Variants in DOCK7 observed in about 807,000 individuals in gnomAD.
The protein encoded by DOCK7 is dedicator of cytokinesis 7, also known as dedicator of cytokinesis protein 7.
DOCK7 carries 138 observed loss-of-function variants against 271.0 expected under a neutral mutation model. The ratio of observed to expected loss-of-function variants is 0.51; its 90% CI spans 0.44 to 0.59. The LOEUF (loss-of-function observed/expected upper bound fraction) is 0.59. DOCK7 is among the 20% of genes least tolerant of loss of function. The probability of loss-of-function intolerance (pLI) is 0.00; values close to 1 mark genes in which losing one functional copy is unlikely to be tolerated. For synonymous variants in DOCK7, 823 were observed against 876.1 expected, an observed-to-expected ratio of 0.94 and a Z score of 1.07; for missense variants, 2,066 against 2,592.4, an observed-to-expected ratio of 0.80 and a Z score of 4.41.
At chr1:62,597,425 A>T (rs1316570612) in intron 14 of DOCK7, 1 of 831,606 alleles carries the variant, frequency 1.2e-6, no homozygotes, top group Non-Finnish European at 1.9e-6. Context: ...GTGCAAGTTA[A>T]CACGGCTTAA....
chr1:62,485,739 T>C, intron 43 of DOCK7: 1 of 961,350 alleles, frequency 1.0e-6, no homozygotes, highest in Middle Eastern at 5.4e-4. Flanking sequence ...GCATTTTAAT[T>C]ACAGAAATTT....
intron 47 of DOCK7, among the ~76,000 whole-genome samples, chr1:62,474,973 G>C (rs1445102400): frequency 1.3e-5 from 2 of 152,150 alleles, no homozygotes; most frequent in Non-Finnish European, 2.9e-5. Flanking sequence ...ACATAGCTCT[G>C]AAAATGAGTC....
intron 11 of DOCK7, chr1:62,629,590 G>A (rs1654369041): frequency 6.6e-6 from 1 of 152,162 alleles, no homozygotes; most frequent in Non-Finnish European, 1.5e-5. Flanking sequence ...AGACTCTGGG[G>A]GAATGAGGAG....
At position 62,507,840 on chromosome 1, in the gene DOCK7, G is replaced by A. The variant is rs906344762; in HGVS notation, c.4476+122C>T. ...CAGAGAATCTCAGAATGCTTGGAACGAAACTTTTAGGAACTACCAATATTT... is the reference window on the plus strand; with the variant it reads ...CAGAGAATCTCAGAATGCTTGGAACAAAACTTTTAGGAACTACCAATATTT... On this transcript the variant is annotated intron_variant, in intron 35 of 49. Coordinates refer to ENST00000635253, the MANE Select transcript of DOCK7 (RefSeq NM_001367561.1). 35 of 843,574 alleles carry A rather than the reference G, an allele frequency of 4.1e-5. 1 individual carries two copies. The highest frequency in any genetic ancestry group is 6.0e-5 in the Non-Finnish European group (33 of 546,450). 52.3% of individuals were successfully genotyped at this position (843,574 alleles called of 1,614,324 possible). A position where few individuals can be genotyped will look rare whatever the true frequency, so the allele number is the denominator to read the frequency against.
At chr1:62,458,239 T>C (rs76343653) in intron 48 of DOCK7, 5,649 of 153,282 alleles carry the variant, frequency 0.037, 254 homozygotes, top group African/African-American at 0.11. Context: ...CGAGTGGGAC[T>C]ATCTGAAACA....
At chr1:62,657,725 T>C (rs904016157) in intron 2 of DOCK7, among the ~76,000 whole-genome samples, 8 of 151,880 alleles carry the variant, frequency 5.3e-5, no homozygotes, top group African/African-American at 1.9e-4. Flanking sequence ...ACAGAAGATA[T>C]AAAGAACTAA....
At chr1:62,685,110 T>C (rs946008999) in intron 1 of DOCK7, among the ~76,000 whole-genome samples, 1 of 152,164 alleles carries the variant, frequency 6.6e-6, no homozygotes, top group Non-Finnish European at 1.5e-5. Context: ...TAAAAAACAG[T>C]TGATACTTAC....
intron 14 of DOCK7, chr1:62,601,205 C>T (rs1650068540): frequency 6.5e-7 from 1 of 1,542,100 alleles, no homozygotes; most frequent in Non-Finnish European, 9.0e-7. Flanking sequence ...TGGTAAGACA[C>T]TTTGGTGGGT....
Position 62,461,302 on chromosome 1 carries a change from GTC to G in DOCK7, c.6213-3599_6213-3598del, listed in dbSNP as rs971720921. Among the ~76,000 whole-genome samples the G allele has an allele frequency of 3.1e-3, 470 of 152,084 alleles. 2 individuals carry two copies. The highest frequency in any genetic ancestry group is 0.01 in the African/African-American group (433 of 41,490). On this transcript the variant is annotated intron_variant, in intron 48 of 49. Coordinates refer to ENST00000635253, the MANE Select transcript of DOCK7 (RefSeq NM_001367561.1). ...ACAGATAAATTATTAGAATTAATAA[GTC>G]TATTAAGATAATAATTCTAATAAGA...
At chr1:62,483,374 A>G (rs981956941) in intron 43 of DOCK7, 1 of 150,966 alleles carries the variant, frequency 6.6e-6, no homozygotes, top group Non-Finnish European at 1.5e-5. Flanking sequence ...TAAGGGGCAG[A>G]AAAAAAATCA....
intron 23 of DOCK7, 119 bp from the exon 24 acceptor site, chr1:62,543,864 C>A: frequency 1.6e-6 from 1 of 615,566 alleles, no homozygotes; most frequent in Non-Finnish European, 2.7e-6. Context: ...CAAAAACCAT[C>A]TATTTTATTG....
At chr1:62,478,229 AAAC>A (rs1426246898) in intron 43 of DOCK7, 1 of 155,346 alleles carries the variant, frequency 6.4e-6, no homozygotes, top group African/African-American at 2.4e-5. Flanking sequence ...TTAAATTTTA[AAAC>A]AACACTTACA....
At chr1:62,583,941 T>C (rs183376256) in intron 15 of DOCK7, among the ~76,000 whole-genome samples, 3 of 152,294 alleles carry the variant, frequency 2.0e-5, no homozygotes, top group Admixed American at 6.5e-5. Context: ...GAGCAGCTGA[T>C]TAGATAAATG....
rs192923603 is a variant in DOCK7, at chr1:62,468,327, C to G, written c.6212+5655G>C. Among the ~76,000 whole-genome samples, 5 of 149,062 alleles carry G rather than the reference C, an allele frequency of 3.4e-5. No individual in the cohort carries two copies. In the East Asian group the frequency reaches 9.9e-4, roughly 29 times the overall value. On this transcript the variant is annotated intron_variant, in intron 48 of 49. Coordinates refer to ENST00000635253, the MANE Select transcript of DOCK7 (RefSeq NM_001367561.1). ...AGTGAGCCAAGATCGCGCCATTGCA[C>G]TCCGGCCTGGGCAACAGAGCGAGAC... is the stretch of plus-strand genomic sequence containing the variant.
intron 31 of DOCK7, among the ~76,000 whole-genome samples, chr1:62,517,455 C>T (rs969401473): frequency 7.2e-5 from 11 of 151,986 alleles, no homozygotes; most frequent in Non-Finnish European, 1.3e-4. Flanking sequence ...ATTAGCTGGG[C>T]GTGGTGGTGC....
At chr1:62,675,824 C>T (rs1199439414) in intron 1 of DOCK7, among the ~76,000 whole-genome samples, 3 of 151,462 alleles carry the variant, frequency 2.0e-5, no homozygotes, top group African/African-American at 7.3e-5. Flanking sequence ...TAGGAAAACA[C>T]AAATTTAAAT....
chr1:62,601,669 A>C, intron 14 of DOCK7: 1 of 824,700 alleles, frequency 1.2e-6, no homozygotes, highest in Non-Finnish European at 2.0e-6. Context: ...AAAAAATGCT[A>C]CATTTGCCAC....
At chr1:62,562,360 T>A (rs2149445667) in intron 18 of DOCK7, among the ~76,000 whole-genome samples, 2 of 150,758 alleles carry the variant, frequency 1.3e-5, no homozygotes, top group East Asian at 4.0e-4. Context: ...GCCTCCCGAA[T>A]AACTGGGACA....
chr1:62,538,020 C>A lies in DOCK7; in HGVS notation c.3342G>T (p.Leu1114=). 2.5e-6 allele frequency: 4 copies of A among 1,613,908 alleles called. No individual in the cohort carries two copies. In the South Asian group the frequency reaches 4.4e-5, roughly 18 times the overall value. The change falls in exon 28 of 50, where the codon CTG becomes CTT. Residue 1114 remains leucine (L), a synonymous_variant. Coordinates refer to ENST00000635253, the MANE Select transcript of DOCK7 (RefSeq NM_001367561.1). ...KLYSLPNPSV[L]VSLRLDFLRI... The stretch of plus-strand genomic sequence containing the variant: ...GTAGAAAATCCAGCCTCAAGGACAC[C>A]AGAACACTGGGATTCGGTAATGAGT...
Sources: gnomAD v4.1 joint callset for allele counts (sites outside exome capture counted in the v4.1 genomes callset) on GRCh38, gnomAD v4.1.1 for gene constraint, MANE v1.5 for transcripts, NCBI Gene and HGNC (gene_info 2026-07-23, HGNC 2026-07-21) for gene names.